The following NWD2 variants were observed in gnomAD, a reference collection of about 807,000 sequenced individuals.
NWD2 encodes NACHT and WD repeat domain containing 2, also known as NACHT and WD repeat domain-containing protein 2.
NWD2 carries 37 observed loss-of-function variants against 132.7 expected under a neutral mutation model. The ratio of observed to expected loss-of-function variants is 0.28; its 90% CI spans 0.21 to 0.37. The LOEUF (loss-of-function observed/expected upper bound fraction) is 0.37. Among genes scored for constraint, NWD2 ranks in the 10% least tolerant of loss-of-function variants. The pLI, the probability that NWD2 is intolerant of heterozygous loss-of-function variation, is 1.00. For missense variants in NWD2, 1,592 were observed against 2,122.4 expected (o/e 0.75, Z 4.91); for synonymous variants, 705 against 803.0 (o/e 0.88, Z 2.06).
chr4:37,308,401 G>A (rs1242055557), intron 1 of NWD2, among the ~76,000 whole-genome samples: 1 of 152,176 alleles, frequency 6.6e-6, no homozygotes, highest in Admixed American at 6.5e-5. Flanking sequence ...AGCCTAGATT[G>A]TGAGTGTTTG....
chr4:37,324,263 A>G (rs533294606), intron 1 of NWD2, among the ~76,000 whole-genome samples: 3 of 152,294 alleles, frequency 2.0e-5, no homozygotes, highest in Admixed American at 6.5e-5. Flanking sequence ...TTAAGAAACA[A>G]TAAGTTTCTG....
chr4:37,357,587 G>A (rs1189970818), intron 3 of NWD2, among the ~76,000 whole-genome samples: 2 of 152,116 alleles, frequency 1.3e-5, no homozygotes, highest in African/African-American at 4.8e-5. Flanking sequence ...TGACCCATAC[G>A]AAATTGTTAT....
At chr4:37,277,329 G>A (rs960195857) in intron 1 of NWD2, among the ~76,000 whole-genome samples, 2 of 151,646 alleles carry the variant, frequency 1.3e-5, no homozygotes, top group East Asian at 1.9e-4. Flanking sequence ...AATTTGGAAC[G>A]TTTTAGCTGT....
intron 1 of NWD2, among the ~76,000 whole-genome samples, chr4:37,321,630 C>T (rs1258824267): frequency 6.6e-6 from 1 of 152,190 alleles, no homozygotes; most frequent in Non-Finnish European, 1.5e-5. Flanking sequence ...CTAATATTTC[C>T]TGTCCATGAC....
intron 3 of NWD2, among the ~76,000 whole-genome samples, chr4:37,375,337 C>T (rs1263204114): frequency 6.6e-6 from 1 of 152,164 alleles, no homozygotes. Flanking sequence ...CAAAAATTAT[C>T]ACCATTAATA....
At chr4:37,322,682 C>T (rs912122131) in intron 1 of NWD2, among the ~76,000 whole-genome samples, 1 of 152,026 alleles carries the variant, frequency 6.6e-6, no homozygotes, top group African/African-American at 2.4e-5. Flanking sequence ...GGAGAATGAA[C>T]CAAGGGGCAA....
chr4:37,353,901 G>A (rs908646189), intron 2 of NWD2, among the ~76,000 whole-genome samples: 1 of 152,060 alleles, frequency 6.6e-6, no homozygotes, highest in African/African-American at 2.4e-5. Context: ...GCAAGAAGTT[G>A]TGATCCTTTG....
chr4:37,327,089 C>G (rs1403621392), intron 2 of NWD2, among the ~76,000 whole-genome samples: 1 of 152,130 alleles, frequency 6.6e-6, no homozygotes, highest in South Asian at 2.1e-4. Flanking sequence ...TCTGAGGAAT[C>G]TGGTTTTACT....
At chr4:37,419,404 T>G (rs1711739560) in intron 3 of NWD2, among the ~76,000 whole-genome samples, 1 of 152,134 alleles carries the variant, frequency 6.6e-6, no homozygotes, top group African/African-American at 2.4e-5. Context: ...ACAAATGGAA[T>G]CTAATTAAAC....
intron 1 of NWD2, among the ~76,000 whole-genome samples, chr4:37,254,118 G>A (rs893470013): frequency 6.6e-6 from 1 of 152,184 alleles, no homozygotes; most frequent in East Asian, 1.9e-4. Context: ...TAATAGCTGG[G>A]TAATGAAATA....
intron 1 of NWD2, among the ~76,000 whole-genome samples, chr4:37,267,832 G>C (rs1011700417): frequency 7.9e-5 from 12 of 151,898 alleles, no homozygotes; most frequent in Middle Eastern, 6.8e-3. Context: ...TGTCTGTTGA[G>C]GGGGAAAAAA....
At chr4:37,267,515 C>T (rs138746722) in intron 1 of NWD2, among the ~76,000 whole-genome samples, 2,184 of 151,654 alleles carry the variant, frequency 0.014, 23 homozygotes, top group Non-Finnish European at 0.023. Context: ...TAAAATGTGC[C>T]TCTTTAGCAA....
At chr4:37,270,720 T>C (rs1717855184) in intron 1 of NWD2, among the ~76,000 whole-genome samples, 1 of 151,880 alleles carries the variant, frequency 6.6e-6, no homozygotes, top group Non-Finnish European at 1.5e-5. Context: ...TACATATCCC[T>C]TTTATTTCCT....
chr4:37,294,103 A>G (rs74931002), intron 1 of NWD2, among the ~76,000 whole-genome samples: 2,112 of 152,194 alleles, frequency 0.014, 21 homozygotes, highest in Middle Eastern at 0.024. Context: ...TTGTTGTCAG[A>G]TGAGGGAATA....
At chr4:37,322,393 T>C (rs748822681) in intron 1 of NWD2, among the ~76,000 whole-genome samples, 14 of 152,108 alleles carry the variant, frequency 9.2e-5, no homozygotes, top group Non-Finnish European at 1.6e-4. Context: ...TAACAAGAAG[T>C]GCCATGAGAT....
intron 1 of NWD2, among the ~76,000 whole-genome samples, chr4:37,246,652 ACTT>A (rs1465189508): frequency 1.3e-5 from 2 of 152,230 alleles, no homozygotes; most frequent in East Asian, 3.8e-4. Flanking sequence ...GTTGAGGGTT[ACTT>A]CTTTAAAATA....
chr4:37,278,985 A>G (rs181963693), intron 1 of NWD2, among the ~76,000 whole-genome samples: 81 of 152,274 alleles, frequency 5.3e-4, no homozygotes, highest in Non-Finnish European at 1.0e-3. Context: ...CTTTAGTACA[A>G]CATCAAGAAT....
chr4:37,310,208 C>G (rs1345558546), intron 1 of NWD2, among the ~76,000 whole-genome samples: 1 of 152,188 alleles, frequency 6.6e-6, no homozygotes, highest in Non-Finnish European at 1.5e-5. Flanking sequence ...CTCTTATTTT[C>G]CAAGATTTCT....
At chr4:37,402,573 C>A (rs1276321575) in intron 3 of NWD2, among the ~76,000 whole-genome samples, 1 of 152,188 alleles carries the variant, frequency 6.6e-6, no homozygotes, top group African/African-American at 2.4e-5. Flanking sequence ...ATGCAATGTA[C>A]TTCCCCCATA....
Sources: allele counts gnomAD v4.1 joint callset (sites outside exome capture counted in the v4.1 genomes callset), GRCh38; gene constraint gnomAD v4.1.1; transcripts MANE v1.5; gene names NCBI Gene and HGNC (gene_info 2026-07-23, HGNC 2026-07-21).